Variants in TBC1D22A observed in about 807,000 individuals in gnomAD.
The protein encoded by TBC1D22A is TBC1 domain family member 22A, also known as putative GTPase activator.
Under a neutral mutation model 60.2 loss-of-function variants are expected in TBC1D22A, and 38 were observed. The observed-to-expected ratio is 0.63, with a 90% CI of 0.49 to 0.83. The LOEUF (loss-of-function observed/expected upper bound fraction) is 0.83. Ranked by LOEUF, TBC1D22A falls within the 40% of genes least tolerant of loss-of-function variation. The pLI, the probability that TBC1D22A is intolerant of heterozygous loss-of-function variation, is 0.00. For missense variants in TBC1D22A, 628 were observed against 701.0 expected (o/e 0.90, Z 1.18); for synonymous variants, 302 against 281.7 (o/e 1.07, Z -0.72).
At chr22:47,069,812 C>A (rs12158086) in intron 11 of TBC1D22A, among the ~76,000 whole-genome samples, 2,075 of 76,730 alleles carry the variant, frequency 0.027, 127 homozygotes, top group East Asian at 0.066. Flanking sequence ...TGACGGTTCC[C>A]GGCTGTTCCC....
chr22:46,990,646 C>G lies in TBC1D22A; in HGVS notation c.1126-6988C>G, dbSNP rs1422609404. On this transcript the variant is annotated intron_variant, in intron 9 of 12. Transcript: ENST00000337137. The surrounding 1 kb of genome is among the most constrained non-coding windows in gnomAD (Gnocchi z 4.6). Reference sequence around the variant, plus strand: ...TGCCCTGAACACCCTCGTGCCCCGCCTGTTCATCCCCTTCCACCCAACCCC... The same window carrying G: ...TGCCCTGAACACCCTCGTGCCCCGCGTGTTCATCCCCTTCCACCCAACCCC... Among the ~76,000 whole-genome samples, 1 of 152,156 alleles carries G rather than the reference C, an allele frequency of 6.6e-6. No homozygotes were observed. Among genetic ancestry groups the G allele is most frequent in the African/African-American group, 2.4e-5 (1 of 41,438 alleles).
At chr22:47,149,727 C>T (rs1019995881) in intron 12 of TBC1D22A, among the ~76,000 whole-genome samples, 2 of 152,166 alleles carry the variant, frequency 1.3e-5, no homozygotes, top group African/African-American at 4.8e-5. Flanking sequence ...GGCACTGGGG[C>T]CGAGATGGCT....
At chr22:46,997,538 A>T (rs940894999) in intron 9 of TBC1D22A, 96 bp from the exon 10 acceptor site, 1 of 925,366 alleles carries the variant, frequency 1.1e-6, no homozygotes, top group Admixed American at 1.9e-5. Context: ...TCGTCCTATT[A>T]TAAAGCTGTT....
In TBC1D22A at chr22:47,077,721, C is replaced by T. The variant is rs116056880; in HGVS notation, c.1330-33787C>T. ...ACCGAAGGCTGCGGTGGCAGAAGCA[C>T]GGGGACCATGGGATCAGTGAGCAGG... is the stretch of plus-strand genomic sequence containing the variant. On this transcript the variant is annotated intron_variant, in intron 11 of 12. Coordinates refer to ENST00000337137, the MANE Select transcript of TBC1D22A (RefSeq NM_014346.5). Among the ~76,000 whole-genome samples the T allele has an allele frequency of 3.7e-3, 560 of 152,200 alleles. 4 individuals carry two copies. The highest frequency in any genetic ancestry group is 0.011 in the African/African-American group (473 of 41,478).
intron 4 of TBC1D22A, among the ~76,000 whole-genome samples, chr22:46,849,168 T>C (rs1366453647): frequency 6.6e-6 from 1 of 152,208 alleles, no homozygotes; most frequent in African/African-American, 2.4e-5. Flanking sequence ...CAATTCTTTC[T>C]TCTGTGGCAA....
intron 3 of TBC1D22A, among the ~76,000 whole-genome samples, chr22:46,794,327 T>C (rs545215449): frequency 6.6e-6 from 1 of 152,338 alleles, no homozygotes; most frequent in South Asian, 2.1e-4. Flanking sequence ...ACACGTGGGC[T>C]CAGGTCTGTA....
intron 1 of TBC1D22A, among the ~76,000 whole-genome samples, chr22:46,768,841 C>G (rs1056526556): frequency 4.6e-5 from 7 of 152,080 alleles, no homozygotes; most frequent in Non-Finnish European, 7.4e-5. Flanking sequence ...TGCCTGTCAT[C>G]TCAGCACTTT....
intron 10 of TBC1D22A, among the ~76,000 whole-genome samples, chr22:47,019,354 G>A (rs777018347): frequency 6.6e-6 from 1 of 152,250 alleles, no homozygotes; most frequent in Non-Finnish European, 1.5e-5. Flanking sequence ...GGACAGTGAT[G>A]AGCTAGACAA....
At chr22:47,000,648 G>T (rs2148248405) in intron 10 of TBC1D22A, among the ~76,000 whole-genome samples, 1 of 152,238 alleles carries the variant, frequency 6.6e-6, no homozygotes, top group Middle Eastern at 3.4e-3. Context: ...GTATCCTTCG[G>T]GACAGACATT....
At chr22:46,832,964 G>A (rs886900425) in intron 4 of TBC1D22A, among the ~76,000 whole-genome samples, 2 of 152,174 alleles carry the variant, frequency 1.3e-5, no homozygotes, top group African/African-American at 4.8e-5. Flanking sequence ...GATTCCTCTT[G>A]GAGACTGAAC....
intron 8 of TBC1D22A, chr22:46,915,864 T>G: frequency 2.2e-6 from 1 of 452,876 alleles, no homozygotes; most frequent in Non-Finnish European, 4.5e-6. Flanking sequence ...GAGCAGCTCT[T>G]CGGGAGTGGC....
intron 10 of TBC1D22A, among the ~76,000 whole-genome samples, chr22:47,036,822 C>A (rs2148396206): frequency 6.6e-6 from 1 of 152,306 alleles, no homozygotes; most frequent in East Asian, 1.9e-4. Context: ...CGTGAAGCAC[C>A]CGAACATGTC....
rs1241306099 is a variant in TBC1D22A, at chr22:46,797,520, A to G, written c.537A>G (p.Thr179=). Residue 179 remains threonine (T), a synonymous_variant, in exon 4 of 13, where the codon ACA becomes ACG. Coordinates refer to ENST00000337137, the MANE Select transcript of TBC1D22A (RefSeq NM_014346.5). ...PHSATVTLGG[T]SDPSTLSSSA... is the part of the protein sequence containing the mutation. ...CGGCCACCGTCACGCTGGGTGGCAC[A>G]TCTGACCCCAGCACTCTCAGCAGCT... 1.2e-6 allele frequency: 2 copies of G among 1,614,060 alleles called. No homozygotes were observed. Among genetic ancestry groups the G allele is most frequent in the African/African-American group, 1.3e-5 (1 of 75,028 alleles).
intron 7 of TBC1D22A, among the ~76,000 whole-genome samples, chr22:46,910,255 G>C (rs2069817656): frequency 6.6e-6 from 1 of 152,156 alleles, no homozygotes; most frequent in African/African-American, 2.4e-5. Context: ...GGTGGCGGGG[G>C]GCCTGGACTT....
chr22:46,815,556 G>T (rs2085559067), intron 4 of TBC1D22A, among the ~76,000 whole-genome samples: 1 of 152,184 alleles, frequency 6.6e-6, no homozygotes, highest in South Asian at 2.1e-4. Flanking sequence ...ACAAGACGGT[G>T]CCCATTTCTC....
At chr22:46,851,237 C>T (rs2087261710) in intron 4 of TBC1D22A, among the ~76,000 whole-genome samples, 1 of 152,244 alleles carries the variant, frequency 6.6e-6, no homozygotes, top group African/African-American at 2.4e-5. Flanking sequence ...AAAGAGGTTT[C>T]AGTCTGTTGG....
chr22:47,134,414 G>A (rs1022817390), intron 12 of TBC1D22A, among the ~76,000 whole-genome samples: 1 of 152,236 alleles, frequency 6.6e-6, no homozygotes, highest in Admixed American at 6.5e-5. Context: ...AGGAAGGCGG[G>A]TTCTGCTGGA....
Position 46,762,785 on chromosome 22 carries a change from C to A in TBC1D22A, c.-2C>A. The A allele has an allele frequency of 6.9e-7, 1 of 1,447,170 alleles. No individual in the cohort carries two copies. Among genetic ancestry groups the A allele is most frequent in the Non-Finnish European group, 9.0e-7 (1 of 1,107,654 alleles). 89.6% of individuals were successfully genotyped at this position (1,447,170 alleles called of 1,614,324 possible). On this transcript the variant is annotated 5_prime_UTR_variant, in exon 1 of 13. Transcript: ENST00000337137. ...CGCGGGTCTGAGGGATGAGGAGGGG[C>A]CATGGCCAGCGACGGGGCCAGGAAG... is the stretch of plus-strand genomic sequence containing the variant.
chr22:47,091,535 C>G (rs556584856), intron 11 of TBC1D22A, among the ~76,000 whole-genome samples: 398 of 129,520 alleles, frequency 3.1e-3, no homozygotes, highest in African/African-American at 0.011. Context: ...CAGGAGAAGT[C>G]GTCTTTGGGG....
Sources: allele counts gnomAD v4.1 joint callset (sites outside exome capture counted in the v4.1 genomes callset), GRCh38; gene constraint gnomAD v4.1.1; non-coding constraint Gnocchi (gnomAD v3.1); transcripts MANE v1.5; gene names NCBI Gene and HGNC (gene_info 2026-07-23, HGNC 2026-07-21).